GREB1L: variants seen among roughly 807,000 people sequenced by gnomAD.
GREB1L encodes the protein GREB1 like retinoic acid receptor coactivator, also known as GREB1-like protein.
A neutral mutation model predicts 200.8 loss-of-function variants in GREB1L; 17 were observed. The observed-to-expected ratio is 0.08, with a 90% confidence interval of 0.06 to 0.13. The LOEUF is 0.13. Ranked by LOEUF, GREB1L falls within the 10% of genes least tolerant of loss-of-function variation. The pLI is 1.00. For synonymous variants in GREB1L, 789 were observed against 893.0 expected, an observed-to-expected ratio of 0.88 and a Z score of 2.08; for missense variants, 1,657 against 2,367.7, an observed-to-expected ratio of 0.70 and a Z score of 6.23.
At chr18:21,278,522 C>A (rs1475135761) in intron 1 of GREB1L, among the ~76,000 whole-genome samples, 1 of 151,838 alleles carries the variant, frequency 6.6e-6, no homozygotes, top group Non-Finnish European at 1.5e-5. Context: ...TGCTTCGTAC[C>A]TGAATTTTTG....
At chr18:21,259,962 G>A (rs775700683) in intron 1 of GREB1L, among the ~76,000 whole-genome samples, 21 of 151,276 alleles carry the variant, frequency 1.4e-4, no homozygotes, top group South Asian at 2.1e-4. Flanking sequence ...TTAGTATACC[G>A]CTTTTGAGAT....
At chr18:21,325,319 ATTC>A (rs976500018) in intron 1 of GREB1L, among the ~76,000 whole-genome samples, 2 of 152,150 alleles carry the variant, frequency 1.3e-5, no homozygotes, top group Admixed American at 1.3e-4. Flanking sequence ...ATTATCTACA[ATTC>A]TTCTCCACCT....
intron 7 of GREB1L, among the ~76,000 whole-genome samples, chr18:21,420,351 G>A (rs1372656278): frequency 3.4e-5 from 5 of 149,240 alleles, no homozygotes; most frequent in East Asian, 2.0e-4. Flanking sequence ...CAGCCTGAGC[G>A]ACAGTGTGAG....
At chr18:21,267,152 TCAAACTCCTG>T (rs2037982448) in intron 1 of GREB1L, among the ~76,000 whole-genome samples, 1 of 150,952 alleles carries the variant, frequency 6.6e-6, no homozygotes, top group Non-Finnish European at 1.5e-5. Flanking sequence ...CAGGCTGGTC[TCAAACTCCTG>T]GCCTCGTGAT....
Position 21,383,608 on chromosome 18 carries a change from T to C in GREB1L, c.90T>C (p.Ser30=), listed in dbSNP as rs2040414933. ...NSIEASLRCS[S]VVPRPIFSQL... ...TAGAAGCCTCCCTCAGATGTAGTAGTGTGGTACCACGGCCAATTTTTTCCC... is the reference window on the plus strand; with the variant it reads ...TAGAAGCCTCCCTCAGATGTAGTAGCGTGGTACCACGGCCAATTTTTTCCC... Residue 30 remains serine, a synonymous_variant, in exon 3 of 33, where the codon AGT becomes AGC. Transcript: ENST00000424526. 2.6e-6 allele frequency: 4 copies of C among 1,551,254 alleles called. No homozygotes were observed. Among genetic ancestry groups the C allele is most frequent in the Non-Finnish European group, 3.5e-6 (4 of 1,146,772 alleles).
Position 21,477,306 on chromosome 18 carries a change from T to A in GREB1L, c.2506T>A (p.Ser836Thr). The A allele has an allele frequency of 6.4e-7, 1 of 1,551,590 alleles. No individual in the cohort carries two copies. The highest frequency in any genetic ancestry group is 8.7e-7 in the Non-Finnish European group (1 of 1,146,940). ...SFPYTLQTQQ[S>T]RISSSNEVHW... ...CCCATACACTCTGCAGACCCAACAG[T>A]CCCGCATTAGCTCTAGCAATGAGGT... Residue 836 changes from serine (S) to threonine (T), a missense_variant, in exon 17 of 33, where the codon TCC becomes ACC. By Grantham distance (58) the Ser-to-Thr change is moderately conservative (BLOSUM62 1). Around this residue, in one of 9 missense-constraint regions of GREB1L, gnomAD observed 239 missense variants for 421.8 expected, o/e 0.57. Transcript: ENST00000424526.
chr18:21,481,655 C>T (rs1015083020), intron 17 of GREB1L, among the ~76,000 whole-genome samples: 2 of 151,758 alleles, frequency 1.3e-5, no homozygotes, highest in African/African-American at 4.8e-5. Context: ...TCTAGGCACC[C>T]CCACTAAAGG....
At chr18:21,439,489 G>A in intron 7 of GREB1L, 32 bp from the exon 8 acceptor site, 2 of 1,326,258 alleles carry the variant, frequency 1.5e-6, no homozygotes, top group Non-Finnish European at 2.1e-6. Flanking sequence ...CCCAGCCTCT[G>A]TTCTGAGCAC....
chr18:21,325,710 G>C (rs1470851998), intron 1 of GREB1L, among the ~76,000 whole-genome samples: 1 of 149,816 alleles, frequency 6.7e-6, no homozygotes, highest in Non-Finnish European at 1.5e-5. Context: ...GCTACTCAGA[G>C]AGCTGAGGTG....
chr18:21,380,890 G>A (rs1005733303), intron 2 of GREB1L, among the ~76,000 whole-genome samples: 7 of 151,550 alleles, frequency 4.6e-5, no homozygotes, highest in Admixed American at 3.3e-4. Context: ...CACGAGGTCA[G>A]GAGTTCAAGA....
intron 2 of GREB1L, among the ~76,000 whole-genome samples, chr18:21,372,339 G>C (rs2039907745): frequency 6.6e-6 from 1 of 151,528 alleles, no homozygotes; most frequent in African/African-American, 2.4e-5. Flanking sequence ...GTAGAGACAG[G>C]GTTTCACCAT....
chr18:21,290,810 G>A (rs1006001086), intron 1 of GREB1L, among the ~76,000 whole-genome samples: 2 of 130,152 alleles, frequency 1.5e-5, no homozygotes, highest in African/African-American at 6.1e-5. Context: ...GGGCAACAGA[G>A]CAAGACTCTG....
intron 2 of GREB1L, among the ~76,000 whole-genome samples, chr18:21,376,828 A>G (rs1383818836): frequency 3.9e-4 from 59 of 151,688 alleles, no homozygotes; most frequent in African/African-American, 1.2e-3. Flanking sequence ...AAAAAAAAAA[A>G]AAAAAGAAAG....
intron 7 of GREB1L, among the ~76,000 whole-genome samples, chr18:21,439,188 T>C (rs1434480467): frequency 6.6e-6 from 1 of 152,116 alleles, no homozygotes; most frequent in Admixed American, 6.6e-5. Flanking sequence ...CTCTCTACTT[T>C]TCTATATGTT....
At chr18:21,389,290 G>A (rs938007505) in intron 4 of GREB1L, among the ~76,000 whole-genome samples, 8 of 146,318 alleles carry the variant, frequency 5.5e-5, no homozygotes, top group Non-Finnish European at 1.2e-4. Context: ...GATCTCAGTT[G>A]GTTCTCGTGC....
chr18:21,300,480 C>G (rs2038600337), intron 1 of GREB1L, among the ~76,000 whole-genome samples: 1 of 152,212 alleles, frequency 6.6e-6, no homozygotes, highest in African/African-American at 2.4e-5. Context: ...TTGTGACTCT[C>G]TTATCCTGCT....
At chr18:21,438,106 A>T (rs2033660600) in intron 7 of GREB1L, among the ~76,000 whole-genome samples, 1 of 151,946 alleles carries the variant, frequency 6.6e-6, no homozygotes. Flanking sequence ...CCCTGTCTCT[A>T]CAGAAAAAAA....
At chr18:21,269,809 G>T (rs1183095245) in intron 1 of GREB1L, among the ~76,000 whole-genome samples, 4 of 152,130 alleles carry the variant, frequency 2.6e-5, no homozygotes, top group African/African-American at 9.7e-5. Context: ...TCATTAACAT[G>T]TTTATCAATT....
At chr18:21,417,805 C>T (rs572021371) in intron 7 of GREB1L, among the ~76,000 whole-genome samples, 72 of 151,812 alleles carry the variant, frequency 4.7e-4, no homozygotes, top group Non-Finnish European at 7.1e-4. Context: ...CTGGCTAACA[C>T]GGTCTCTACT....
Sources: allele counts gnomAD v4.1 joint callset (sites outside exome capture counted in the v4.1 genomes callset), GRCh38; gene constraint gnomAD v4.1.1; regional missense constraint gnomAD v4.1.1; transcripts MANE v1.5; gene names NCBI Gene and HGNC (gene_info 2026-07-23, HGNC 2026-07-21).